Variants in TMEM266 observed in about 807,000 individuals in gnomAD.
The protein encoded by TMEM266 is transmembrane protein 266, also known as Hv1 related protein 1.
TMEM266 carries 33 observed loss-of-function variants against 50.5 expected under a neutral mutation model. The ratio of observed to expected loss-of-function variants is 0.65; its 90% CI spans 0.50 to 0.87. The LOEUF (loss-of-function observed/expected upper bound fraction) is 0.87, where lower values mean the gene tolerates loss of function less well. Ranked by LOEUF, TMEM266 falls within the 40% of genes least tolerant of loss-of-function variation. The probability of loss-of-function intolerance (pLI) is 0.00; values close to 1 mark genes in which losing one functional copy is unlikely to be tolerated. For synonymous variants in TMEM266, 310 were observed against 292.3 expected, an observed-to-expected ratio of 1.06 and a Z score of -0.62; for missense variants, 655 against 695.1, an observed-to-expected ratio of 0.94 and a Z score of 0.65.
intron 8 of TMEM266, among the ~76,000 whole-genome samples, chr15:76,184,468 C>A (rs1379892499): frequency 1.3e-5 from 2 of 152,226 alleles, no homozygotes; most frequent in African/African-American, 4.8e-5. Context: ...TTGCAACTGT[C>A]TCCTGATTTT....
chr15:76,196,785 C>T lies in TMEM266; in HGVS notation c.958+4628C>T, dbSNP rs575907894. Among the ~76,000 whole-genome samples, 16 of 152,088 alleles carry T rather than the reference C, an allele frequency of 1.1e-4. No homozygotes were observed. In the East Asian group the frequency reaches 3.1e-3, roughly 29 times the overall value. On this transcript the variant is annotated intron_variant, in intron 9 of 10. Transcript: ENST00000388942. ...AGCAGCTCCACAATCTCAACAGTTG[C>T]CAGCAGGTCACAGTCAGACAACGCC...
At chr15:76,097,178 C>A (rs1413055012) in intron 1 of TMEM266, among the ~76,000 whole-genome samples, 1 of 151,860 alleles carries the variant, frequency 6.6e-6, no homozygotes, top group African/African-American at 2.4e-5. Context: ...GGTTATTTTG[C>A]CCGTCAATTG....
chr15:76,151,328 T>G (rs2037840010), intron 3 of TMEM266, among the ~76,000 whole-genome samples: 1 of 152,208 alleles, frequency 6.6e-6, no homozygotes, highest in Non-Finnish European at 1.5e-5. Flanking sequence ...ATTTCACTGC[T>G]AAAACACAGT....
intron 1 of TMEM266, among the ~76,000 whole-genome samples, chr15:76,106,195 A>G (rs564589768): frequency 6.6e-6 from 1 of 152,074 alleles, no homozygotes; most frequent in African/African-American, 2.4e-5. Flanking sequence ...GGTACCTGCC[A>G]CGTGCACGGC....
Position 76,159,976 on chromosome 15 carries a change from TA to T in TMEM266, c.383-116del, listed in dbSNP as rs1369548096. ...TCTCTGACCCAATTTCCACCAGATC[TA>T]AACGTTCATGCAGGCGGGCCCCGGG... is the stretch of plus-strand genomic sequence containing the variant. On this transcript the variant is annotated intron_variant, in intron 4 of 10. Transcript: ENST00000388942. 9 of 934,816 alleles carry T rather than the reference TA, an allele frequency of 9.6e-6. No individual in the cohort carries two copies. In the African/African-American group the frequency reaches 1.3e-4, roughly 14 times the overall value. 57.9% of individuals were successfully genotyped at this position (934,816 alleles called of 1,614,324 possible).
intron 2 of TMEM266, among the ~76,000 whole-genome samples, chr15:76,137,370 A>G (rs937361476): frequency 3.3e-5 from 5 of 152,358 alleles, no homozygotes; most frequent in African/African-American, 1.2e-4. Flanking sequence ...CAGAGTCCTG[A>G]AAGTCTAAGC....
chr15:76,177,272 C>T lies in TMEM266; in HGVS notation c.768+1598C>T, dbSNP rs571402662. 3.6e-4 allele frequency among the ~76,000 whole-genome samples: 55 copies of T among 152,366 alleles called. 1 individual carries two copies. Among genetic ancestry groups the T allele is most frequent in the African/African-American group, 1.3e-3 (53 of 41,584 alleles). ...ACATCCGGCCCCAGCCAGCACTCCGCGCGTTGTAGGTCTTGGTCAATGTGT... is the reference window on the plus strand; with the variant it reads ...ACATCCGGCCCCAGCCAGCACTCCGTGCGTTGTAGGTCTTGGTCAATGTGT... On this transcript the variant is annotated intron_variant, in intron 8 of 10. Coordinates refer to ENST00000388942, the MANE Select transcript of TMEM266 (RefSeq NM_152335.3).
At chr15:76,194,488 T>G (rs958820339) in intron 9 of TMEM266, among the ~76,000 whole-genome samples, 7 of 152,172 alleles carry the variant, frequency 4.6e-5, no homozygotes, top group Non-Finnish European at 8.8e-5. Context: ...CCACGCCCCT[T>G]AGGCTGGTGG....
At chr15:76,119,061 G>A (rs1382732475) in intron 1 of TMEM266, among the ~76,000 whole-genome samples, 2 of 152,158 alleles carry the variant, frequency 1.3e-5, no homozygotes, top group Non-Finnish European at 2.9e-5. Context: ...CTGGGAATGA[G>A]GACAGGAAAG....
intron 1 of TMEM266, among the ~76,000 whole-genome samples, chr15:76,125,846 TAAA>T (rs34379905): frequency 4.3e-5 from 5 of 116,400 alleles, no homozygotes; most frequent in Admixed American, 9.0e-5. Context: ...AGACTCCATG[TAAA>T]AAAAAAAAAA....
At chr15:76,150,951 C>A (rs1431039452) in intron 3 of TMEM266, among the ~76,000 whole-genome samples, 1 of 152,194 alleles carries the variant, frequency 6.6e-6, no homozygotes, top group Non-Finnish European at 1.5e-5. Flanking sequence ...CCTCCCCTCC[C>A]ACCCCAGGAT....
intron 3 of TMEM266, among the ~76,000 whole-genome samples, chr15:76,146,003 A>G (rs1405741670): frequency 2.0e-5 from 3 of 152,260 alleles, no homozygotes; most frequent in Admixed American, 6.5e-5. Context: ...CCAATCATCT[A>G]TCTTTGGAAG....
intron 1 of TMEM266, among the ~76,000 whole-genome samples, chr15:76,097,658 G>GA (rs1555446613): frequency 6.6e-6 from 1 of 151,852 alleles, no homozygotes; most frequent in Non-Finnish European, 1.5e-5. Flanking sequence ...GCTAGGTTGG[G>GA]GAAGTTCTCC....
At chr15:76,097,920 A>G (rs917185842) in intron 1 of TMEM266, among the ~76,000 whole-genome samples, 10 of 151,738 alleles carry the variant, frequency 6.6e-5, no homozygotes, top group East Asian at 1.9e-4. Context: ...TGTATGCTTC[A>G]TGAAGTTCTC....
rs551128863 is a variant in TMEM266 at position 76,065,643 on chromosome 15, T to C, written c.-97+5627T>C. ...TAACCCTCGTACCTCAGTGTCCTCA[T>C]CGGTAAAATGGGGAGAAGAGTAGCT... On this transcript the variant is annotated intron_variant, in intron 1 of 10. Transcript: ENST00000388942. Among the ~76,000 whole-genome samples the C allele has an allele frequency of 9.9e-5, 15 of 152,254 alleles. No homozygotes were observed. In the South Asian group the frequency reaches 3.1e-3, roughly 32 times the overall value.
Position 76,204,279 on chromosome 15 carries a change from C to T in TMEM266, c.1560C>T (p.Ser520=), listed in dbSNP as rs771903516. 2 of 1,612,244 alleles carry T rather than the reference C, an allele frequency of 1.2e-6. No individual in the cohort carries two copies. The highest frequency in any genetic ancestry group is 1.3e-5 in the African/African-American group (1 of 74,846). Reference sequence around the variant, plus strand: ...AGGACAAGTTCAGATCTTTGGAATCCAAAGAGCAAAAGCTGCACAGGGTCC... The same window carrying T: ...AGGACAAGTTCAGATCTTTGGAATCTAAAGAGCAAAAGCTGCACAGGGTCC... The change falls in exon 11 of 11, where the codon TCC becomes TCT. Residue 520 remains serine, a synonymous_variant. Coordinates refer to ENST00000388942, the MANE Select transcript of TMEM266 (RefSeq NM_152335.3).
At chr15:76,196,600 G>A (rs891751416) in intron 9 of TMEM266, among the ~76,000 whole-genome samples, 10 of 151,342 alleles carry the variant, frequency 6.6e-5, no homozygotes, top group Non-Finnish European at 8.9e-5. Context: ...TCAGGCCAGC[G>A]AGGCTCTGAG....
intron 1 of TMEM266, among the ~76,000 whole-genome samples, chr15:76,101,123 G>A (rs1731093057): frequency 6.6e-6 from 1 of 151,826 alleles, no homozygotes; most frequent in African/African-American, 2.4e-5. Flanking sequence ...AGTAGATGAT[G>A]GCTGGGTGAA....
chr15:76,203,290 A>T (rs571910278), intron 10 of TMEM266, among the ~76,000 whole-genome samples: 84 of 152,242 alleles, frequency 5.5e-4, no homozygotes, highest in African/African-American at 2.0e-3. Flanking sequence ...AGCTGTGGCA[A>T]ATAACCCTGC....
Sources: gnomAD v4.1 joint callset for allele counts (sites outside exome capture counted in the v4.1 genomes callset) on GRCh38, gnomAD v4.1.1 for gene constraint, MANE v1.5 for transcripts, NCBI Gene and HGNC (gene_info 2026-07-23, HGNC 2026-07-21) for gene names.